Variants in ZNF536 observed in about 807,000 individuals in gnomAD.
The protein encoded by ZNF536 is zinc finger protein 536.
Under a neutral mutation model 84.5 loss-of-function variants are expected in ZNF536, and 13 were observed. The ratio of observed to expected loss-of-function variants is 0.15; its 90% confidence interval spans 0.10 to 0.24. ZNF536 has a LOEUF of 0.24. Ranked by LOEUF, ZNF536 falls within the 10% of genes least tolerant of loss-of-function variation. The pLI is 1.00. For missense variants in ZNF536, 1,536 were observed against 1,747.5 expected (o/e 0.88, Z 2.16); for synonymous variants, 811 against 742.5 (o/e 1.09, Z -1.50).
intron 1 of ZNF536, among the ~76,000 whole-genome samples, chr19:30,436,811 C>T (rs2148048683): frequency 6.6e-6 from 1 of 152,256 alleles, no homozygotes; most frequent in East Asian, 1.9e-4. Context: ...TGGGGTCTGC[C>T]TGTTACTAGA....
intron 2 of ZNF536, among the ~76,000 whole-genome samples, chr19:30,300,195 C>T (rs540133914): frequency 5.3e-5 from 8 of 152,264 alleles, no homozygotes; most frequent in Admixed American, 1.3e-4. Context: ...CATTTCCCCC[C>T]GTCCCACCCC....
In ZNF536 at chr19:30,248,397, T is replaced by G. The variant is rs1001655128; in HGVS notation, c.-190+19724T>G. On this transcript the variant is annotated intron_variant, in intron 1 of 5. Coordinates refer to the ZNF536 transcript ENST00000585628. ...GACACCTGCCACCATGCCCTGCTAA[T>G]TTTTTTTTTTTTTTTTTTGTAGTTT... 7.9e-4 allele frequency among the ~76,000 whole-genome samples: 34 copies of G among 42,796 alleles called. No homozygotes were observed. In the African/African-American group the frequency reaches 0.013, roughly 16 times the overall value. The allele number at this position is 42,796 out of a possible 152,430, so 28.1% of individuals were successfully genotyped here. A position where few individuals can be genotyped will look rare whatever the true frequency, so the allele number is the denominator to read the frequency against.
At chr19:30,461,185 G>A (rs986563044) in intron 2 of ZNF536, among the ~76,000 whole-genome samples, 3 of 152,116 alleles carry the variant, frequency 2.0e-5, no homozygotes, top group Admixed American at 6.5e-5. Context: ...GCGTATCAGC[G>A]GTTGTGTAAA....
chr19:30,248,133 T>A (rs1287418590), intron 1 of ZNF536, among the ~76,000 whole-genome samples: 2 of 152,186 alleles, frequency 1.3e-5, no homozygotes, highest in Non-Finnish European at 2.9e-5. Flanking sequence ...AACAAGGAAA[T>A]GACTGATTGG....
intron 1 of ZNF536, among the ~76,000 whole-genome samples, chr19:30,429,161 G>A (rs1224569631): frequency 1.3e-5 from 2 of 152,176 alleles, no homozygotes; most frequent in Admixed American, 1.3e-4. Context: ...TGGCCCTGGG[G>A]CTAGCTGGGA....
intron 1 of ZNF536, chr19:30,665,686 A>T (rs1392399059): frequency 6.6e-6 from 1 of 152,272 alleles, no homozygotes; most frequent in Non-Finnish European, 1.5e-5. Context: ...GCTTCTGCCA[A>T]AAAGACACCC....
intron 2 of ZNF536, among the ~76,000 whole-genome samples, chr19:30,318,648 C>T (rs139092268): frequency 1.3e-5 from 2 of 152,194 alleles, no homozygotes; most frequent in African/African-American, 2.4e-5. Context: ...TGTGTGTGTG[C>T]GCATGAGTCT....
At chr19:30,626,512 C>A (rs1430245507) in intron 1 of ZNF536, among the ~76,000 whole-genome samples, 1 of 152,112 alleles carries the variant, frequency 6.6e-6, no homozygotes, top group Non-Finnish European at 1.5e-5. Context: ...GACGGCACCT[C>A]GAGGAGCTCA....
intron 1 of ZNF536, among the ~76,000 whole-genome samples, chr19:30,262,294 G>A (rs2025267728): frequency 6.6e-6 from 1 of 152,208 alleles, no homozygotes; most frequent in South Asian, 2.1e-4. Context: ...GGTCCTCCAG[G>A]TGCAGGTGGG....
chr19:30,415,615 CT>C (rs1555750829), intron 1 of ZNF536, among the ~76,000 whole-genome samples: 2 of 151,530 alleles, frequency 1.3e-5, no homozygotes, highest in Non-Finnish European at 2.9e-5. Context: ...TCATCATCAT[CT>C]TTTTATTTGT....
At chr19:30,708,222 C>T (rs2052325802) in intron 1 of ZNF536, among the ~76,000 whole-genome samples, 1 of 152,136 alleles carries the variant, frequency 6.6e-6, no homozygotes, top group Admixed American at 6.5e-5. Context: ...AAGCAGGCAT[C>T]CTGCTGATCA....
intron 2 of ZNF536, among the ~76,000 whole-genome samples, chr19:30,328,681 G>T (rs199954184): frequency 2.0e-5 from 3 of 152,234 alleles, no homozygotes; most frequent in African/African-American, 7.2e-5. Flanking sequence ...CCCTATAGGA[G>T]GGAGAGATTT....
intron 1 of ZNF536, among the ~76,000 whole-genome samples, chr19:30,641,478 G>A (rs1050966192): frequency 3.3e-5 from 5 of 152,168 alleles, no homozygotes; most frequent in East Asian, 1.9e-4. Context: ...TTATTAAAAC[G>A]TATATGTATA....
intron 1 of ZNF536, among the ~76,000 whole-genome samples, chr19:30,675,044 C>G (rs2050701574): frequency 6.6e-6 from 1 of 152,160 alleles, no homozygotes; most frequent in Admixed American, 6.5e-5. Flanking sequence ...ACACAGATAA[C>G]AGTGCAGTGC....
At chr19:30,262,514 T>C (rs1304414147) in intron 1 of ZNF536, among the ~76,000 whole-genome samples, 2 of 152,208 alleles carry the variant, frequency 1.3e-5, no homozygotes, top group African/African-American at 4.8e-5. Flanking sequence ...AGCAAGGCAG[T>C]CCTGTGCTTC....
intron 1 of ZNF536, among the ~76,000 whole-genome samples, chr19:30,601,853 G>A (rs2047698792): frequency 6.6e-6 from 1 of 152,194 alleles, no homozygotes; most frequent in Non-Finnish European, 1.5e-5. Context: ...ACCGTGGCTA[G>A]GATGGGGTAT....
chr19:30,445,884 C>A lies in ZNF536; in HGVS notation c.2170+152C>A, dbSNP rs1165055698. 11 of 1,067,942 alleles carry A rather than the reference C, an allele frequency of 1.0e-5. No homozygotes were observed. In the South Asian group the frequency reaches 1.2e-4, roughly 12 times the overall value. 66.2% of individuals were successfully genotyped at this position (1,067,942 alleles called of 1,614,324 possible). A position where few individuals can be genotyped will look rare whatever the true frequency, so the allele number is the denominator to read the frequency against. On this transcript the variant is annotated intron_variant, in intron 2 of 4. Transcript: ENST00000355537. This position sits in a 1 kb window ranked among gnomAD's most constrained non-coding sequence, Gnocchi z 4.5. ...TGGACACTGGGCCATGCCTTTCTTT[C>A]CCCCCCTGACTGGAGGGAAAGGGCC...
chr19:30,235,133 C>T (rs377151204), intron 1 of ZNF536, among the ~76,000 whole-genome samples: 90 of 152,328 alleles, frequency 5.9e-4, no homozygotes, highest in African/African-American at 1.9e-3. Flanking sequence ...CACTACATTA[C>T]ACACCCCGGG....
At position 30,548,899 on chromosome 19, in the gene ZNF536, G is replaced by A. The variant is rs769206317; in HGVS notation, c.3280G>A (p.Gly1094Ser). 49 of 1,614,012 alleles carry A rather than the reference G, an allele frequency of 3.0e-5. No individual in the cohort carries two copies. In the East Asian group the frequency reaches 3.3e-4, roughly 11 times the overall value. ...LKETLGEQKS[G>S]AWTGHVDPAF... Reference sequence around the variant, plus strand: ...GGAGACTCTGGGAGAGCAGAAGAGCGGTGCATGGACCGGCCACGTGGACCC... The same window carrying A: ...GGAGACTCTGGGAGAGCAGAAGAGCAGTGCATGGACCGGCCACGTGGACCC... Residue 1094 changes from glycine (G) to serine (S), a missense_variant, in exon 4 of 5, where the codon GGT becomes AGT. Coordinates refer to ENST00000355537, the MANE Select transcript of ZNF536 (RefSeq NM_014717.3).
Sources: gnomAD v4.1 joint callset for allele counts (sites outside exome capture counted in the v4.1 genomes callset) on GRCh38, gnomAD v4.1.1 for gene constraint, Gnocchi (gnomAD v3.1) non-coding constraint, MANE v1.5 for transcripts, NCBI Gene and HGNC (gene_info 2026-07-23, HGNC 2026-07-21) for gene names.